Variants in HERC4 observed in about 807,000 individuals in gnomAD.
HERC4 encodes the protein probable E3 ubiquitin-protein ligase HERC4.
HERC4 carries 28 observed loss-of-function variants against 124.3 expected under a neutral mutation model. That is an observed-to-expected ratio of 0.23 (90% CI 0.17 to 0.31). HERC4 has a LOEUF of 0.31. HERC4 is among the 10% of genes least tolerant of loss of function. The probability of loss-of-function intolerance (pLI) is 1.00; values close to 1 mark genes in which losing one functional copy is unlikely to be tolerated. For missense variants in HERC4, 713 were observed against 1,229.3 expected (o/e 0.58, Z 6.28); for synonymous variants, 407 against 421.5 (o/e 0.97, Z 0.42).
At chr10:68,056,182 C>T (rs2040539829) in intron 3 of HERC4, among the ~76,000 whole-genome samples, 1 of 152,110 alleles carries the variant, frequency 6.6e-6, no homozygotes, top group East Asian at 1.9e-4. Flanking sequence ...TGCTTTAGTT[C>T]AATTTCTTTC....
intron 8 of HERC4, among the ~76,000 whole-genome samples, chr10:68,014,596 C>T (rs913300438): frequency 1.3e-5 from 2 of 152,104 alleles, no homozygotes; most frequent in African/African-American, 4.8e-5. Flanking sequence ...AAGTTTTAGG[C>T]TAAGAAATGG....
intron 21 of HERC4, among the ~76,000 whole-genome samples, chr10:67,939,237 T>C (rs961115433): frequency 2.6e-5 from 4 of 152,184 alleles, no homozygotes; most frequent in Non-Finnish European, 5.9e-5. Flanking sequence ...GACTCAAAAA[T>C]GAACACTTGG....
intron 8 of HERC4, among the ~76,000 whole-genome samples, chr10:68,016,628 G>C (rs549727950): frequency 1.4e-4 from 21 of 152,310 alleles, no homozygotes; most frequent in African/African-American, 4.6e-4. Context: ...TGGGATTACA[G>C]GCTTGAGCCA....
intron 19 of HERC4, among the ~76,000 whole-genome samples, chr10:67,946,396 C>CA (rs57497479): frequency 3.5e-5 from 5 of 142,270 alleles, no homozygotes; most frequent in Admixed American, 2.8e-4. Flanking sequence ...CACACACACA[C>CA]AAGACCCAAT....
At chr10:68,020,396 G>C (rs1004725792) in intron 8 of HERC4, among the ~76,000 whole-genome samples, 1 of 151,244 alleles carries the variant, frequency 6.6e-6, no homozygotes, top group East Asian at 1.9e-4. Flanking sequence ...GATGCTCAAA[G>C]AACTAGAGTA....
In HERC4 at chr10:67,954,002, T is replaced by C. The variant is rs144050041; in HGVS notation, c.2337+593A>G. 1.3e-3 allele frequency among the ~76,000 whole-genome samples: 205 copies of C among 152,314 alleles called. 2 individuals carry two copies. Among genetic ancestry groups the C allele is most frequent in the African/African-American group, 4.6e-3 (192 of 41,584 alleles). On this transcript the variant is annotated intron_variant, in intron 19 of 24. Transcript: ENST00000373700. ...TAAATTTCTTTCAAGTCAGGAGTTC[T>C]ACTAAACTGATCCATCCTTTTCACT...
chr10:67,991,011 C>A lies in HERC4; in HGVS notation c.1336G>T (p.Asp446Tyr). Residue 446 changes from aspartate to tyrosine, a missense_variant, in exon 13 of 25, where the codon GAT becomes TAT. Coordinates refer to ENST00000373700, the MANE Select transcript of HERC4 (RefSeq NM_015601.4). ...CTGGTACCTGTTCTATAGTGATCATCATTGCTAAAAAACAGAAAAGAAAAA... is the reference window on the plus strand; with the variant it reads ...CTGGTACCTGTTCTATAGTGATCATAATTGCTAAAAAACAGAAAAGAAAAA... ...LNGSFLAVSN[D>Y]DHYRTGTRFS... 6.8e-7 allele frequency: 1 copy of A among 1,464,868 alleles called. No individual in the cohort carries two copies. Among genetic ancestry groups the A allele is most frequent in the Non-Finnish European group, 9.1e-7 (1 of 1,102,932 alleles). 90.7% of individuals were successfully genotyped at this position (1,464,868 alleles called of 1,614,324 possible).
intron 3 of HERC4, among the ~76,000 whole-genome samples, chr10:68,054,521 T>C (rs548687515): frequency 3.3e-5 from 5 of 152,138 alleles, no homozygotes; most frequent in Admixed American, 6.5e-5. Flanking sequence ...TTTTTGTATT[T>C]TTAGTAGAGA....
intron 8 of HERC4, among the ~76,000 whole-genome samples, chr10:68,025,243 A>G (rs916313272): frequency 2.0e-5 from 3 of 152,108 alleles, no homozygotes; most frequent in Non-Finnish European, 4.4e-5. Context: ...AAAGAAAAGA[A>G]AAGAAAAAAA....
At chr10:68,060,266 AGACTG>A (rs904875359) in intron 3 of HERC4, among the ~76,000 whole-genome samples, 1 of 152,086 alleles carries the variant, frequency 6.6e-6, no homozygotes, top group African/African-American at 2.4e-5. Context: ...TGTGTCACCC[AGACTG>A]GAGTGCAGTG....
At chr10:67,986,167 C>CA (rs2036248645) in intron 15 of HERC4, among the ~76,000 whole-genome samples, 1 of 152,102 alleles carries the variant, frequency 6.6e-6, no homozygotes, top group South Asian at 2.1e-4. Flanking sequence ...TAAAGCCTCC[C>CA]AAAAAGAGAT....
chr10:67,977,197 G>C (rs895579441), intron 15 of HERC4, among the ~76,000 whole-genome samples: 4 of 152,154 alleles, frequency 2.6e-5, no homozygotes, highest in African/African-American at 9.7e-5. Flanking sequence ...GGAGAACTTT[G>C]TCTTGCATCT....
At chr10:68,055,045 C>T (rs745352137) in intron 3 of HERC4, among the ~76,000 whole-genome samples, 1 of 152,180 alleles carries the variant, frequency 6.6e-6, no homozygotes, top group Non-Finnish European at 1.5e-5. Flanking sequence ...GACTCAGGCT[C>T]CTGAGTAGCT....
At chr10:67,936,346 G>T (rs41307561) in intron 21 of HERC4, 111 bp from the exon 22 acceptor site, 58,635 of 541,048 alleles carry the variant, frequency 0.11, 3,848 homozygotes, top group South Asian at 0.16. Flanking sequence ...CTAAATTTGA[G>T]ATAAAATTCT....
At chr10:67,969,733 A>C (rs1021864261) in intron 15 of HERC4, among the ~76,000 whole-genome samples, 2 of 152,126 alleles carry the variant, frequency 1.3e-5, no homozygotes, top group Non-Finnish European at 2.9e-5. Context: ...AGAGGTCTGC[A>C]ATTGCTGGGG....
At chr10:67,923,251 G>A (rs1051730527) in intron 24 of HERC4, 112 bp from the exon 25 acceptor site, 15 of 713,390 alleles carry the variant, frequency 2.1e-5, no homozygotes, top group East Asian at 1.8e-4. Flanking sequence ...CTGCTCTAAC[G>A]TGTTATCTTA....
At chr10:67,947,025 C>G (rs2033420007) in intron 19 of HERC4, among the ~76,000 whole-genome samples, 1 of 152,142 alleles carries the variant, frequency 6.6e-6, no homozygotes, top group African/African-American at 2.4e-5. Flanking sequence ...ACAATAATAG[C>G]TGGAGACTTC....
chr10:68,074,615 A>T (rs2041721484), intron 1 of HERC4: 1 of 152,168 alleles, frequency 6.6e-6, no homozygotes, highest in Middle Eastern at 3.1e-3. Flanking sequence ...AGATCAGCTC[A>T]TGGGGACTGG....
At chr10:68,016,545 G>A (rs936329013) in intron 8 of HERC4, among the ~76,000 whole-genome samples, 1 of 152,056 alleles carries the variant, frequency 6.6e-6, no homozygotes, top group Non-Finnish European at 1.5e-5. Flanking sequence ...TAGAGATGGG[G>A]TTTCACCATG....
Sources: gnomAD v4.1 joint callset for allele counts (sites outside exome capture counted in the v4.1 genomes callset) on GRCh38, gnomAD v4.1.1 for gene constraint, MANE v1.5 for transcripts, NCBI Gene and HGNC (gene_info 2026-07-23, HGNC 2026-07-21) for gene names.